The following MALRD1 variants were observed in gnomAD, a reference collection of about 807,000 sequenced individuals.
The protein encoded by MALRD1 is MAM and LDL-receptor class A domain-containing protein 1.
In MALRD1, 247 loss-of-function variants were observed where a neutral mutation model predicts 242.1. The ratio of observed to expected loss-of-function variants is 1.02; its 90% CI spans 0.92 to 1.13. MALRD1 has a LOEUF of 1.13. MALRD1 is among the 50% of genes most tolerant of loss of function. The pLI, the probability that MALRD1 is intolerant of heterozygous loss-of-function variation, is 0.00. For missense variants in MALRD1, 2,989 were observed against 2,533.1 expected (o/e 1.18, Z -3.86); for synonymous variants, 995 against 866.6 (o/e 1.15, Z -2.60).
chr10:19,362,318 A>G (rs1056641941), intron 26 of MALRD1, among the ~76,000 whole-genome samples: 7 of 152,128 alleles, frequency 4.6e-5, no homozygotes, highest in Non-Finnish European at 1.0e-4. Flanking sequence ...TGGTAACTGT[A>G]GATAATATTG....
At chr10:19,284,655 TG>T (rs1841019232) in intron 21 of MALRD1, among the ~76,000 whole-genome samples, 1 of 142,420 alleles carries the variant, frequency 7.0e-6, no homozygotes, top group African/African-American at 2.6e-5. Context: ...CTATCATTGT[TG>T]GACATTTGGG....
chr10:19,154,144 C>T lies in MALRD1; in HGVS notation c.1559-931C>T, dbSNP rs145066098. The stretch of plus-strand genomic sequence containing the variant: ...TTTGGGGACAGTAATCTTTATCTTT[C>T]CAAGTTGGTTTTGAGATTTAAAAAC... On this transcript the variant is annotated intron_variant, in intron 11 of 39. Coordinates refer to ENST00000454679, the MANE Select transcript of MALRD1 (RefSeq NM_001142308.3). Among the ~76,000 whole-genome samples, 4 of 152,236 alleles carry T rather than the reference C, an allele frequency of 2.6e-5. No individual in the cohort carries two copies. In the East Asian group the frequency reaches 7.7e-4, roughly 29 times the overall value.
chr10:19,075,028 T>C (rs1466633891), intron 2 of MALRD1, among the ~76,000 whole-genome samples: 1 of 152,148 alleles, frequency 6.6e-6, no homozygotes, highest in East Asian at 1.9e-4. Flanking sequence ...ACCCAGTAGA[T>C]GTCAATTTTC....
At chr10:19,596,422 A>C (rs1838101565) in intron 34 of MALRD1, among the ~76,000 whole-genome samples, 1 of 152,166 alleles carries the variant, frequency 6.6e-6, no homozygotes, top group Non-Finnish European at 1.5e-5. Flanking sequence ...TTTGAAATGT[A>C]ACTATAAGAG....
chr10:19,530,432 A>ATAAATAT lies in MALRD1; in HGVS notation c.5321-760_5321-759insAATATTA, dbSNP rs1564417534. ...ATTTATATAATAATAAATATATAAT[A>ATAAATAT]TATATAATATATAATATATAATATA... On this transcript the variant is annotated intron_variant, in intron 31 of 39. Coordinates refer to ENST00000454679, the MANE Select transcript of MALRD1 (RefSeq NM_001142308.3). Among the ~76,000 whole-genome samples, 34 of 40,904 alleles carry ATAAATAT rather than the reference A, an allele frequency of 8.3e-4. 5 individuals carry two copies. The highest frequency in any genetic ancestry group is 0.011 in the Middle Eastern group (1 of 90). 26.8% of individuals were successfully genotyped at this position (40,904 alleles called of 152,430 possible).
intron 34 of MALRD1, 93 bp from the exon 35 acceptor site, chr10:19,607,684 A>G: frequency 7.0e-7 from 1 of 1,423,886 alleles, no homozygotes; most frequent in Non-Finnish European, 9.3e-7. Flanking sequence ...GAGTAATATA[A>G]TAAACTGTTT....
chr10:19,214,997 C>G (rs923343914), intron 18 of MALRD1, among the ~76,000 whole-genome samples: 3 of 152,180 alleles, frequency 2.0e-5, no homozygotes, highest in Admixed American at 6.5e-5. Flanking sequence ...TCCACAAAGT[C>G]AACAAGCAAA....
At chr10:19,495,468 C>G (rs1239034510) in intron 30 of MALRD1, among the ~76,000 whole-genome samples, 3 of 149,900 alleles carry the variant, frequency 2.0e-5, no homozygotes, top group Non-Finnish European at 4.4e-5. Flanking sequence ...AAAAAGAAAA[C>G]CTACAACCAA....
At chr10:19,676,659 C>G (rs1842150083) in intron 36 of MALRD1, among the ~76,000 whole-genome samples, 1 of 152,056 alleles carries the variant, frequency 6.6e-6, no homozygotes, top group Non-Finnish European at 1.5e-5. Flanking sequence ...ATACAAATGT[C>G]ACTGTTTTAT....
intron 29 of MALRD1, among the ~76,000 whole-genome samples, chr10:19,456,726 C>T (rs912906621): frequency 6.6e-6 from 1 of 151,138 alleles, no homozygotes; most frequent in Admixed American, 6.6e-5. Context: ...GCACATCTCG[C>T]CCTAATGAAA....
chr10:19,250,655 G>A (rs1839257055), intron 18 of MALRD1, among the ~76,000 whole-genome samples: 1 of 151,882 alleles, frequency 6.6e-6, no homozygotes, highest in Non-Finnish European at 1.5e-5. Flanking sequence ...AGAGGAAAAT[G>A]GAACTGAAAT....
chr10:19,118,270 A>T (rs1836941929), intron 5 of MALRD1, among the ~76,000 whole-genome samples: 1 of 152,232 alleles, frequency 6.6e-6, no homozygotes, highest in South Asian at 2.1e-4. Context: ...TGAGCCAAAC[A>T]TGAGTGATCG....
rs538015756 is a variant in MALRD1 at position 19,172,892 on chromosome 10, G to C, written c.1831-2316G>C. Among the ~76,000 whole-genome samples, 65 of 152,024 alleles carry C rather than the reference G, an allele frequency of 4.3e-4. 1 individual carries two copies. In the South Asian group the frequency reaches 0.011, roughly 26 times the overall value. On this transcript the variant is annotated intron_variant, in intron 13 of 39. Coordinates refer to ENST00000454679, the MANE Select transcript of MALRD1 (RefSeq NM_001142308.3). Reference sequence around the variant, plus strand: ...AATATATTTCTAAAGTACAATACTTGTGTATATTTTACCAAGATCCTTCTT... The same window carrying C: ...AATATATTTCTAAAGTACAATACTTCTGTATATTTTACCAAGATCCTTCTT...
At chr10:19,369,421 TG>T in intron 26 of MALRD1, among the ~76,000 whole-genome samples, 1 of 148,428 alleles carries the variant, frequency 6.7e-6, no homozygotes, top group East Asian at 1.9e-4. Context: ...CATTCTTCTA[TG>T]GAGTAGCTGC....
intron 18 of MALRD1, among the ~76,000 whole-genome samples, chr10:19,226,246 T>C (rs1837794995): frequency 6.6e-6 from 1 of 152,074 alleles, no homozygotes; most frequent in African/African-American, 2.4e-5. Context: ...ACACTCTCGA[T>C]AGATGCAAAA....
chr10:19,659,673 A>C (rs958038837), intron 36 of MALRD1, among the ~76,000 whole-genome samples: 4 of 152,088 alleles, frequency 2.6e-5, no homozygotes, highest in Admixed American at 1.3e-4. Context: ...AACTTTTTCT[A>C]ACATAATTGT....
chr10:19,580,043 C>T (rs1039130534), intron 33 of MALRD1, among the ~76,000 whole-genome samples: 2 of 152,172 alleles, frequency 1.3e-5, no homozygotes, highest in Non-Finnish European at 2.9e-5. Context: ...GGAACTATAG[C>T]ACCGTATGGA....
intron 30 of MALRD1, among the ~76,000 whole-genome samples, chr10:19,492,669 A>G (rs966167719): frequency 6.6e-6 from 1 of 152,166 alleles, no homozygotes; most frequent in Admixed American, 6.5e-5. Context: ...CTCAGGAAAA[A>G]TAGCAACAGT....
intron 14 of MALRD1, among the ~76,000 whole-genome samples, chr10:19,191,526 G>C (rs1182232111): frequency 6.6e-6 from 1 of 152,134 alleles, no homozygotes; most frequent in African/African-American, 2.4e-5. Context: ...AGATCTCAAA[G>C]AGATATTTGC....
Sources: gnomAD v4.1 joint callset for allele counts (sites outside exome capture counted in the v4.1 genomes callset) on GRCh38, gnomAD v4.1.1 for gene constraint, MANE v1.5 for transcripts, NCBI Gene and HGNC (gene_info 2026-07-23, HGNC 2026-07-21) for gene names.